EYS: variants seen among roughly 807,000 people sequenced by gnomAD.
EYS encodes the protein protein eyes shut homolog.
In EYS, 250 loss-of-function variants were observed where a neutral mutation model predicts 282.1. That is an observed-to-expected ratio of 0.89 (90% CI 0.80 to 0.98). The LOEUF is 0.98. EYS is among the 50% of genes least tolerant of loss of function. The pLI is 0.00. For synonymous variants in EYS, 1,355 were observed against 1,282.9 expected, an observed-to-expected ratio of 1.06 and a Z score of -1.20; for missense variants, 4,016 against 3,709.0, an observed-to-expected ratio of 1.08 and a Z score of -2.15.
intron 2 of EYS, among the ~76,000 whole-genome samples, chr6:65,585,793 G>C (rs1196650669): frequency 1.3e-5 from 2 of 151,800 alleles, no homozygotes; most frequent in African/African-American, 4.8e-5. Flanking sequence ...AACTATATGA[G>C]AGTCTTACAG....
intron 2 of EYS, among the ~76,000 whole-genome samples, chr6:65,508,480 T>A (rs1163187898): frequency 6.6e-6 from 1 of 151,920 alleles, no homozygotes; most frequent in East Asian, 1.9e-4. Flanking sequence ...GAGACCATCC[T>A]GGCTAACATG....
At chr6:65,022,777 G>A (rs911546468) in intron 13 of EYS, among the ~76,000 whole-genome samples, 1 of 151,252 alleles carries the variant, frequency 6.6e-6, no homozygotes, top group Non-Finnish European at 1.5e-5. Flanking sequence ...ACATAAGTCA[G>A]TATTTATAAA....
chr6:65,630,064 G>A (rs1766858996), intron 2 of EYS, among the ~76,000 whole-genome samples: 1 of 152,184 alleles, frequency 6.6e-6, no homozygotes, highest in Non-Finnish European at 1.5e-5. Context: ...TGAAATTAGG[G>A]TCTAATCAAG....
chr6:65,511,567 T>C (rs1766868652), intron 2 of EYS, among the ~76,000 whole-genome samples: 1 of 152,080 alleles, frequency 6.6e-6, no homozygotes, highest in African/African-American at 2.4e-5. Flanking sequence ...CTAACCTAGA[T>C]TAGGTAAATT....
At chr6:65,632,180 T>C (rs1348142783) in intron 2 of EYS, among the ~76,000 whole-genome samples, 1 of 152,152 alleles carries the variant, frequency 6.6e-6, no homozygotes, top group Non-Finnish European at 1.5e-5. Context: ...ATGAGGAGTT[T>C]ATGAAAGTGC....
At chr6:65,184,899 A>C (rs1046985067) in intron 12 of EYS, among the ~76,000 whole-genome samples, 2 of 151,706 alleles carry the variant, frequency 1.3e-5, no homozygotes, top group African/African-American at 4.8e-5. Context: ...AGATGTGAAG[A>C]CACTAATGTC....
intron 41 of EYS, among the ~76,000 whole-genome samples, chr6:63,727,904 C>T (rs936394393): frequency 4.8e-5 from 7 of 145,192 alleles, no homozygotes; most frequent in Non-Finnish European, 7.5e-5. Context: ...CCAGCTTGGG[C>T]GACGGAGTGG....
At chr6:65,449,049 T>C (rs1195173279) in intron 5 of EYS, among the ~76,000 whole-genome samples, 1 of 152,122 alleles carries the variant, frequency 6.6e-6, no homozygotes, top group East Asian at 1.9e-4. Context: ...CAATGCTTAA[T>C]TTGCTTCCAC....
intron 11 of EYS, among the ~76,000 whole-genome samples, chr6:65,312,445 G>T (rs1004029092): frequency 6.6e-6 from 1 of 151,938 alleles, no homozygotes; most frequent in African/African-American, 2.4e-5. Context: ...CACTTCCATG[G>T]CCCCATGCCT....
At position 64,177,205 on chromosome 6, in the gene EYS, A is replaced by C. The variant is rs566967169; in HGVS notation, c.6424+53387T>G. Among the ~76,000 whole-genome samples, 26 of 151,844 alleles carry C rather than the reference A, an allele frequency of 1.7e-4. 1 individual carries two copies. The highest frequency in any genetic ancestry group is 5.9e-4 in the Admixed American group (9 of 15,258). On this transcript the variant is annotated intron_variant, in intron 31 of 42. Transcript: ENST00000503581. ...TAATACATATATGACAGTTAATAGA[A>C]ATTATTGACTTCCTGAAAACATCCA...
intron 2 of EYS, among the ~76,000 whole-genome samples, chr6:65,504,486 G>T (rs1766578917): frequency 6.6e-6 from 1 of 151,596 alleles, no homozygotes; most frequent in South Asian, 2.1e-4. Context: ...CCAGACCTTT[G>T]GAGGAAAGTA....
intron 26 of EYS, among the ~76,000 whole-genome samples, chr6:64,547,891 C>T (rs1299089293): frequency 1.2e-4 from 19 of 152,224 alleles, no homozygotes; most frequent in Admixed American, 1.2e-3. Context: ...TAAGGCCCGG[C>T]AAGAAGTCCA....
At chr6:64,203,520 C>A (rs1214556006) in intron 31 of EYS, among the ~76,000 whole-genome samples, 1 of 152,146 alleles carries the variant, frequency 6.6e-6, no homozygotes, top group African/African-American at 2.4e-5. Flanking sequence ...ATCCACTAGA[C>A]TAATTGGAAG....
chr6:63,773,673 G>A (rs1190362875), intron 40 of EYS, among the ~76,000 whole-genome samples: 1 of 152,190 alleles, frequency 6.6e-6, no homozygotes, highest in African/African-American at 2.4e-5. Context: ...CCTGGATTAA[G>A]GTTAGGAGTG....
At chr6:64,180,255 G>A (rs554370020) in intron 31 of EYS, among the ~76,000 whole-genome samples, 1 of 152,140 alleles carries the variant, frequency 6.6e-6, no homozygotes, top group African/African-American at 2.4e-5. Context: ...TTAAAATAAA[G>A]TTTTATACTT....
At chr6:64,822,223 T>C (rs1260604679) in intron 20 of EYS, among the ~76,000 whole-genome samples, 2 of 152,014 alleles carry the variant, frequency 1.3e-5, no homozygotes, top group Non-Finnish European at 2.9e-5. Flanking sequence ...GCAGTTATTA[T>C]ACAGATTCAT....
chr6:63,968,376 G>C (rs1216245526), intron 35 of EYS, among the ~76,000 whole-genome samples: 1 of 152,088 alleles, frequency 6.6e-6, no homozygotes, highest in Non-Finnish European at 1.5e-5. Flanking sequence ...GCATCTGAGA[G>C]ACAACAAAAG....
At chr6:64,632,771 G>A (rs1767831816) in intron 22 of EYS, among the ~76,000 whole-genome samples, 2 of 152,084 alleles carry the variant, frequency 1.3e-5, no homozygotes, top group African/African-American at 2.4e-5. Context: ...AATAGGCAAA[G>A]CCAATGATCT....
chr6:64,980,767 T>A (rs1263046479), intron 14 of EYS, among the ~76,000 whole-genome samples: 1 of 151,416 alleles, frequency 6.6e-6, no homozygotes, highest in Non-Finnish European at 1.5e-5. Flanking sequence ...AACTAATGAT[T>A]TCTCACCAGG....
Sources: gnomAD v4.1 joint callset for allele counts (sites outside exome capture counted in the v4.1 genomes callset) on GRCh38, gnomAD v4.1.1 for gene constraint, MANE v1.5 for transcripts, NCBI Gene and HGNC (gene_info 2026-07-23, HGNC 2026-07-21) for gene names.